Variants in RNF126 observed in about 807,000 individuals in gnomAD.
The protein encoded by RNF126 is ring finger protein 126.
A neutral mutation model predicts 41.9 loss-of-function variants in RNF126; 20 were observed. The observed-to-expected ratio is 0.48, with a 90% confidence interval of 0.34 to 0.69. The LOEUF is 0.69. RNF126 is among the 30% of genes least tolerant of loss of function. RNF126 has a pLI of 0.01. For synonymous variants in RNF126, 239 were observed against 202.9 expected (o/e 1.18, Z -1.51); for missense variants, 433 against 460.6 (o/e 0.94, Z 0.55).
chr19:655,714 G>A (rs568346474), intron 1 of RNF126, among the ~76,000 whole-genome samples: 11 of 152,232 alleles, frequency 7.2e-5, no homozygotes, highest in Non-Finnish European at 1.6e-4. Flanking sequence ...CCAGAGAAAC[G>A]AAGACACCTG....
At position 652,985 on chromosome 19, in the gene RNF126, G is replaced by C. The variant is rs1399326099; in HGVS notation, c.76-101C>G. The C allele has an allele frequency of 3.6e-5, 41 of 1,153,598 alleles. No individual in the cohort carries two copies. The Admixed American group carries it at 7.0e-4, about 20-fold the overall frequency. The allele number at this position is 1,153,598 out of a possible 1,614,324, so 71.5% of individuals were successfully genotyped here. A position where few individuals can be genotyped will look rare whatever the true frequency, so the allele number is the denominator to read the frequency against. On this transcript the variant is annotated intron_variant, in intron 1 of 8. Transcript: ENST00000292363. ...GGGGCTCCGGACCCAGCGGTCTCTG[G>C]CTGGCCAGGCACACGCAGGCCAGGG...
In RNF126 at chr19:659,539, C is replaced by T. The variant is rs1292040207; in HGVS notation, c.75+3508G>A. Among the ~76,000 whole-genome samples, 1 of 152,162 alleles carries T rather than the reference C, an allele frequency of 6.6e-6. No homozygotes were observed. Among genetic ancestry groups the T allele is most frequent in the Non-Finnish European group, 1.5e-5 (1 of 68,016 alleles). ...GGGGCAAGGACGGCACGCAGGGCCA[C>T]CTCCCTGCGCCCGCCTGGTTCCTGG... On this transcript the variant is annotated intron_variant, in intron 1 of 8. Transcript: ENST00000292363. The surrounding 1 kb of genome is among the most constrained non-coding windows in gnomAD (Gnocchi z 4.9).
chr19:648,909 T>A lies in RNF126; in HGVS notation c.643A>T (p.Thr215Ser). ...ADKEKIQALP[T>S]VPVTEEHVGS... Reference sequence around the variant, plus strand: ...ACGTGCTCCTCAGTGACGGGGACGGTGGGGAGGGCCTGGATTTTCTCTTTA... The same window carrying A: ...ACGTGCTCCTCAGTGACGGGGACGGAGGGGAGGGCCTGGATTTTCTCTTTA... The change falls in exon 7 of 9, where the codon ACC becomes TCC. Residue 215 changes from threonine to serine, a missense_variant. This residue lies in a region of RNF126 where 97 missense variants were observed against 121.7 expected (regional missense o/e 0.80). Coordinates refer to ENST00000292363, the MANE Select transcript of RNF126 (RefSeq NM_194460.3). The A allele has an allele frequency of 7.0e-7, 1 of 1,422,708 alleles. No individual in the cohort carries two copies. The highest frequency in any genetic ancestry group is 9.2e-7 in the Non-Finnish European group (1 of 1,086,628). The allele number at this position is 1,422,708 out of a possible 1,614,324, so 88.1% of individuals were successfully genotyped here.
At chr19:663,020 C>G in intron 1 of RNF126, 27 bp downstream of exon 1, 1 of 1,287,936 alleles carries the variant, frequency 7.8e-7, no homozygotes, top group Non-Finnish European at 1.0e-6. Flanking sequence ...CAGACCCTGC[C>G]GCCCGCCGCC....
rs947590918 is a variant in RNF126 at position 650,443 on chromosome 19, G to A, written c.444-147C>T. The A allele has an allele frequency of 1.8e-5, 12 of 681,930 alleles. No homozygotes were observed. The Admixed American group carries it at 3.5e-4, about 20-fold the overall frequency. 42.2% of individuals were successfully genotyped at this position (681,930 alleles called of 1,614,324 possible). On this transcript the variant is annotated intron_variant, in intron 4 of 8. Coordinates refer to ENST00000292363, the MANE Select transcript of RNF126 (RefSeq NM_194460.3). The stretch of plus-strand genomic sequence containing the variant: ...ATTTATTTATTTTACTATGAGCCAG[G>A]GTCTCACTCTAATGCCGAGGCAGGA...
chr19:662,825 C>A (rs974972867), intron 1 of RNF126, among the ~76,000 whole-genome samples: 1 of 152,102 alleles, frequency 6.6e-6, no homozygotes, highest in African/African-American at 2.4e-5. Context: ...CCCTGCCTCC[C>A]GCCCGGGCCT....
intron 1 of RNF126, among the ~76,000 whole-genome samples, chr19:660,823 C>G (rs1370266595): frequency 6.6e-6 from 1 of 152,198 alleles, no homozygotes; most frequent in Non-Finnish European, 1.5e-5. Context: ...TCTGTAGAGA[C>G]AGGGTCCTGC....
Position 652,737 on chromosome 19 carries a change from G to A in RNF126, c.134+89C>T, listed in dbSNP as rs557982828. On this transcript the variant is annotated intron_variant, in intron 2 of 8. Transcript: ENST00000292363. ...ACCAGGGCCTGACGGCCCCACACTCGGCGGGGCGGACGCCAGCACAGCCCA... is the reference window on the plus strand; with the variant it reads ...ACCAGGGCCTGACGGCCCCACACTCAGCGGGGCGGACGCCAGCACAGCCCA... 9.2e-5 allele frequency: 113 copies of A among 1,226,182 alleles called. 1 individual carries two copies. The highest frequency in any genetic ancestry group is 5.7e-4 in the Middle Eastern group (3 of 5,304). 76.0% of individuals were successfully genotyped at this position (1,226,182 alleles called of 1,614,324 possible).
chr19:648,600 G>T, intron 7 of RNF126, 113 bp from the exon 8 acceptor site: 1 of 848,872 alleles, frequency 1.2e-6, no homozygotes, highest in Non-Finnish European at 1.9e-6. Context: ...AGCGAGGGGA[G>T]AAAAGCCGTG....
At chr19:652,999 C>T (rs1480727212) in intron 1 of RNF126, 115 bp from the exon 2 acceptor site, 78 of 1,004,242 alleles carry the variant, frequency 7.8e-5, no homozygotes, top group Middle Eastern at 4.2e-4. Flanking sequence ...GCCAGGCACA[C>T]GCAGGCCAGG....
intron 3 of RNF126, 21 bp downstream of exon 3, chr19:652,212 C>T: frequency 6.6e-7 from 1 of 1,511,390 alleles, no homozygotes. Context: ...GATCGGGAAG[C>T]ACGAGGGGCG....
At position 659,270 on chromosome 19, in the gene RNF126, G is replaced by C. The variant is rs1055611735; in HGVS notation, c.75+3777C>G. On this transcript the variant is annotated intron_variant, in intron 1 of 8. Transcript: ENST00000292363. This position sits in a 1 kb window ranked among gnomAD's most constrained non-coding sequence, Gnocchi z 4.9. The stretch of plus-strand genomic sequence containing the variant: ...GACCAGGAGAAGACAGGGTGGGCCG[G>C]GGGGCAGCTGGGGAGACTTCCCGCC... Among the ~76,000 whole-genome samples, 1 of 152,144 alleles carries C rather than the reference G, an allele frequency of 6.6e-6. No individual in the cohort carries two copies. The highest frequency in any genetic ancestry group is 1.5e-5 in the Non-Finnish European group (1 of 68,016).
At position 648,217 on chromosome 19, in the gene RNF126, G is replaced by C. The variant is rs764866241; in HGVS notation, c.847C>G (p.Pro283Ala). ...GAGAAGCTCACCCCAGTGAGGCCAG[G>C]GGGGTTCGTGGCCGTGTTCTGTCCC... is the stretch of plus-strand genomic sequence containing the variant. ...LTGQNTATNP[P>A]GLTGVSFSSS... is the part of the protein sequence containing the mutation. Residue 283 changes from proline (P) to alanine (A), a missense_variant, in exon 9 of 9, where the codon CCT becomes GCT. Around this residue, in one of 5 missense-constraint regions of RNF126, gnomAD observed 63 missense variants for 47.9 expected, o/e 1.32. Coordinates refer to ENST00000292363, the MANE Select transcript of RNF126 (RefSeq NM_194460.3). The C allele has an allele frequency of 3.1e-6, 5 of 1,602,520 alleles. No homozygotes were observed. Among genetic ancestry groups the C allele is most frequent in the Non-Finnish European group, 3.4e-6 (4 of 1,174,814 alleles).
chr19:653,807 A>G (rs192717356), intron 1 of RNF126, among the ~76,000 whole-genome samples: 1 of 152,354 alleles, frequency 6.6e-6, no homozygotes, highest in Admixed American at 6.5e-5. Flanking sequence ...GCTCCATCGC[A>G]GCAACGTGAA....
intron 3 of RNF126, 52 bp downstream of exon 3, chr19:652,181 G>A (rs920660746): frequency 1.4e-6 from 2 of 1,424,688 alleles, no homozygotes; most frequent in East Asian, 2.7e-5. Flanking sequence ...TGGCGCTCGG[G>A]GCCCCGAGCA....
At chr19:652,765 C>G in intron 2 of RNF126, 61 bp downstream of exon 2, 1 of 1,505,784 alleles carries the variant, frequency 6.6e-7, no homozygotes, top group East Asian at 2.3e-5. Flanking sequence ...ACAGCCCACA[C>G]CCCTACAACA....
intron 7 of RNF126, 123 bp from the exon 8 acceptor site, chr19:648,610 G>A: frequency 1.3e-6 from 1 of 787,878 alleles, no homozygotes; most frequent in South Asian, 1.6e-5. Context: ...GAAAAGCCGT[G>A]TGTGTGTCCC....
rs1285914220 is a variant in RNF126 at position 648,162 on chromosome 19, G to A, written c.902C>T (p.Ser301Leu). Reference sequence around the variant, plus strand: ...GCTTGTGGCGTTCTCGTTGCTGGGCGAGCTGGAGGAGGACGATGACGACGA... The same window carrying A: ...GCTTGTGGCGTTCTCGTTGCTGGGCAAGCTGGAGGAGGACGATGACGACGA... ...SSSSSSSSSSSPSNENATSNS is the reference protein window; with the variant it reads ...SSSSSSSSSSLPSNENATSNS Residue 301 changes from serine to leucine, a missense_variant, in exon 9 of 9, where the codon TCG (serine) becomes TTG (leucine). By Grantham distance (145) the Ser-to-Leu change is moderately radical. Transcript: ENST00000292363. 6 of 1,602,550 alleles carry A rather than the reference G, an allele frequency of 3.7e-6. No homozygotes were observed. Among genetic ancestry groups the A allele is most frequent in the Admixed American group, 1.7e-5 (1 of 59,216 alleles).
chr19:649,193 C>T (rs1054082763), intron 6 of RNF126: 4 of 261,654 alleles, frequency 1.5e-5, no homozygotes, highest in East Asian at 6.6e-5. Context: ...GGCGGAGGCC[C>T]GCGCTCCTGG....
Sources: allele counts gnomAD v4.1 joint callset (sites outside exome capture counted in the v4.1 genomes callset), GRCh38; gene constraint gnomAD v4.1.1; regional missense constraint gnomAD v4.1.1; non-coding constraint Gnocchi (gnomAD v3.1); transcripts MANE v1.5; gene names NCBI Gene and HGNC (gene_info 2026-07-23, HGNC 2026-07-21).